KPNA3: variants seen among roughly 807,000 people sequenced by gnomAD.
KPNA3 encodes the protein karyopherin subunit alpha 3, also known as importin subunit alpha-4.
Under a neutral mutation model 73.8 loss-of-function variants are expected in KPNA3, and 13 were observed. That is an observed-to-expected ratio of 0.18 (90% confidence interval 0.11 to 0.28). The LOEUF (loss-of-function observed/expected upper bound fraction) is 0.28. Among genes scored for constraint, KPNA3 ranks in the 10% least tolerant of loss-of-function variants. The probability of loss-of-function intolerance (pLI) is 1.00; values close to 1 mark genes in which losing one functional copy is unlikely to be tolerated. For missense variants in KPNA3, 360 were observed against 618.1 expected, an observed-to-expected ratio of 0.58 and a Z score of 4.43; for synonymous variants, 186 against 206.9, an observed-to-expected ratio of 0.90 and a Z score of 0.87.
Position 49,706,066 on chromosome 13 carries a change from C to T in KPNA3, c.1209+32G>A, listed in dbSNP as rs561632958. The T allele has an allele frequency of 7.0e-6, 11 of 1,578,952 alleles. No homozygotes were observed. In the East Asian group the frequency reaches 2.2e-4, roughly 32 times the overall value. The stretch of plus-strand genomic sequence containing the variant: ...AGAGCAGCATGCTTTCCAGTATTAA[C>T]AATCATGACAGTTACAGGTTTTCAA... On this transcript the variant is annotated intron_variant, in intron 14 of 16. Coordinates refer to ENST00000261667, the MANE Select transcript of KPNA3 (RefSeq NM_002267.4).
chr13:49,718,240 A>G (rs554127101), intron 10 of KPNA3, among the ~76,000 whole-genome samples: 2 of 152,340 alleles, frequency 1.3e-5, no homozygotes, highest in Admixed American at 1.3e-4. Flanking sequence ...CAATTTCTTG[A>G]CATAAGTTCT....
intron 1 of KPNA3, among the ~76,000 whole-genome samples, chr13:49,788,999 T>C (rs998663906): frequency 1.3e-5 from 2 of 152,176 alleles, no homozygotes; most frequent in Non-Finnish European, 1.5e-5. Flanking sequence ...TTCCAGGTTG[T>C]AGCCATTCCC....
At position 49,730,519 on chromosome 13, in the gene KPNA3, C is replaced by CAAAAAAAAAAAAAAAAAAA. The variant is rs55725741; in HGVS notation, c.383+1833_383+1851dup. On this transcript the variant is annotated intron_variant, in intron 6 of 16. Transcript: ENST00000261667. ...TGGGCAACAGAGCGAGACTCTGTCT[C>CAAAAAAAAAAAAAAAAAAA]AAAAAAAAAAAAAAAAAAAAAAAAA... 3.7e-4 allele frequency among the ~76,000 whole-genome samples: 10 copies of CAAAAAAAAAAAAAAAAAAA among 27,294 alleles called. 1 individual carries two copies. The highest frequency in any genetic ancestry group is 5.1e-4 in the Non-Finnish European group (8 of 15,770). 17.9% of individuals were successfully genotyped at this position (27,294 alleles called of 152,430 possible).
At chr13:49,734,067 T>C (rs2137556555) in intron 2 of KPNA3, among the ~76,000 whole-genome samples, 1 of 152,372 alleles carries the variant, frequency 6.6e-6, no homozygotes, top group Middle Eastern at 3.4e-3. Context: ...GATGCACTCA[T>C]GTTTTTAAAT....
rs56269125 is a variant in KPNA3, at chr13:49,762,932, A to AAAAAG, written c.70-15940_70-15939insCTTTT. 6.5e-4 allele frequency among the ~76,000 whole-genome samples: 96 copies of AAAAAG among 148,222 alleles called. 1 individual carries two copies. The highest frequency in any genetic ancestry group is 1.1e-3 in the Admixed American group (17 of 14,874). Reference sequence around the variant, plus strand: ...ACCAAGGCTGGCTTAAAAAACAAAAAAAGAAGAGGAGAGGTCGGTCAAGTT... The same window carrying AAAAAG: ...ACCAAGGCTGGCTTAAAAAACAAAAAAAAAGAAGAAGAGGAGAGGTCGGTCAAGTT... On this transcript the variant is annotated intron_variant, in intron 1 of 16. Coordinates refer to ENST00000261667, the MANE Select transcript of KPNA3 (RefSeq NM_002267.4).
At chr13:49,709,744 A>T (rs201698914) in intron 11 of KPNA3, 44 bp from the exon 12 acceptor site, 56 of 1,577,602 alleles carry the variant, frequency 3.5e-5, no homozygotes, top group Non-Finnish European at 4.7e-5. Context: ...ATTTGCTTAT[A>T]AGACTAATTC....
chr13:49,709,806 C>T (rs1318095920), intron 11 of KPNA3, 106 bp from the exon 12 acceptor site: 3 of 921,486 alleles, frequency 3.3e-6, no homozygotes, highest in Non-Finnish European at 4.7e-6. Context: ...ATAAATAACA[C>T]TTATTTCATC....
intron 1 of KPNA3, among the ~76,000 whole-genome samples, chr13:49,787,780 C>T (rs1286079673): frequency 2.0e-5 from 3 of 150,788 alleles, no homozygotes; most frequent in South Asian, 2.1e-4. Context: ...CCCGGGTTCA[C>T]GCCATTCTCC....
In KPNA3 at chr13:49,707,428, T is replaced by C. The variant is rs182447550; in HGVS notation, c.1033-1056A>G. Among the ~76,000 whole-genome samples the C allele has an allele frequency of 3.2e-3, 489 of 152,328 alleles. 5 individuals carry two copies. The highest frequency in any genetic ancestry group is 4.0e-3 in the Non-Finnish European group (269 of 68,020). On this transcript the variant is annotated intron_variant, in intron 12 of 16. Transcript: ENST00000261667. ...TTTAAAAAGTTTCAAACAGAAATGC[T>C]GAGGGAAGAAAATCAAGTTGGTAAC...
chr13:49,775,277 A>C (rs549011078), intron 1 of KPNA3, among the ~76,000 whole-genome samples: 1 of 152,260 alleles, frequency 6.6e-6, no homozygotes, highest in South Asian at 2.1e-4. Flanking sequence ...AATATTTAGT[A>C]AGTTAAAATA....
intron 2 of KPNA3, among the ~76,000 whole-genome samples, chr13:49,737,612 T>C (rs973346678): frequency 3.7e-4 from 41 of 110,742 alleles, no homozygotes; most frequent in African/African-American, 1.3e-3. Flanking sequence ...TGTGTGTGTG[T>C]AAGAGCCAGG....
intron 1 of KPNA3, among the ~76,000 whole-genome samples, chr13:49,749,437 T>G (rs1322229424): frequency 6.6e-6 from 1 of 152,204 alleles, no homozygotes; most frequent in South Asian, 2.1e-4. Flanking sequence ...ACCTCGATTC[T>G]TACTTGTTTG....
At chr13:49,789,710 C>G (rs773566807) in intron 1 of KPNA3, among the ~76,000 whole-genome samples, 3 of 152,166 alleles carry the variant, frequency 2.0e-5, no homozygotes, top group Non-Finnish European at 4.4e-5. Flanking sequence ...GCCTAAATCC[C>G]CAATAAAGGC....
chr13:49,705,078 G>A lies in KPNA3; in HGVS notation c.1372+543C>T, dbSNP rs574565670. Reference sequence around the variant, plus strand: ...AGTGTTTCCTAAAATGCAATGTCAGGCCAGGCGCAGTGGCTCATGCCTGTA... The same window carrying A: ...AGTGTTTCCTAAAATGCAATGTCAGACCAGGCGCAGTGGCTCATGCCTGTA... On this transcript the variant is annotated intron_variant, in intron 15 of 16. Transcript: ENST00000261667. Among the ~76,000 whole-genome samples the A allele has an allele frequency of 3.9e-5, 6 of 152,266 alleles. No individual in the cohort carries two copies. In the East Asian group the frequency reaches 1.2e-3, roughly 29 times the overall value.
At chr13:49,723,698 C>A (rs1954381503) in intron 7 of KPNA3, among the ~76,000 whole-genome samples, 1 of 151,426 alleles carries the variant, frequency 6.6e-6, no homozygotes, top group Non-Finnish European at 1.5e-5. Context: ...AGTGAAACCC[C>A]GTCTCTACTA....
intron 15 of KPNA3, among the ~76,000 whole-genome samples, chr13:49,705,244 G>A (rs1383156263): frequency 2.0e-5 from 3 of 151,848 alleles, no homozygotes; most frequent in Admixed American, 6.6e-5. Flanking sequence ...CTGTAATCCC[G>A]GCTACCTGGG....
intron 1 of KPNA3, among the ~76,000 whole-genome samples, chr13:49,763,448 T>C (rs1954784817): frequency 6.6e-6 from 1 of 152,182 alleles, no homozygotes; most frequent in Non-Finnish European, 1.5e-5. Flanking sequence ...ACAGTGTTTG[T>C]TTGGGTTCCT....
In KPNA3 at chr13:49,709,712, A is replaced by G; in HGVS notation, c.904-12T>C. On this transcript the variant is annotated splice_polypyrimidine_tract_variant and intron_variant, in intron 11 of 16. Coordinates refer to ENST00000261667, the MANE Select transcript of KPNA3 (RefSeq NM_002267.4). ...CTGAGGGCTGCTGTCTAGGGTGGGG[A>G]TAAAATGTTTTCTATAAATTTATTT... 1 of 1,599,970 alleles carries G rather than the reference A, an allele frequency of 6.3e-7. No homozygotes were observed. Among genetic ancestry groups the G allele is most frequent in the Non-Finnish European group, 8.5e-7 (1 of 1,175,728 alleles).
chr13:49,792,635 C>G lies in KPNA3; in HGVS notation c.-129G>C, dbSNP rs1594469469. ...GGAGAGAAGAGCACGTTCTGTGACG[C>G]CTCCGAGCGCGAGGTGGCAGTAGCG... On this transcript the variant is annotated 5_prime_UTR_variant, in exon 1 of 17. Coordinates refer to ENST00000261667, the MANE Select transcript of KPNA3 (RefSeq NM_002267.4). 5.8e-6 allele frequency: 3 copies of G among 517,588 alleles called. No homozygotes were observed. The South Asian group carries it at 7.0e-5, about 12-fold the overall frequency. 32.1% of individuals were successfully genotyped at this position (517,588 alleles called of 1,614,324 possible). A position where few individuals can be genotyped will look rare whatever the true frequency, so the allele number is the denominator to read the frequency against.
Sources: gnomAD v4.1 joint callset for allele counts (sites outside exome capture counted in the v4.1 genomes callset) on GRCh38, gnomAD v4.1.1 for gene constraint, MANE v1.5 for transcripts, NCBI Gene and HGNC (gene_info 2026-07-23, HGNC 2026-07-21) for gene names.